The following DDIT4L variants were observed in gnomAD, a reference collection of about 807,000 sequenced individuals.
DDIT4L encodes the protein DNA damage inducible transcript 4 like, also known as DNA damage-inducible transcript 4-like protein.
A neutral mutation model predicts 15.9 loss-of-function variants in DDIT4L; 13 were observed. The observed-to-expected ratio is 0.82, with a 90% confidence interval of 0.53 to 1.30. DDIT4L has a LOEUF of 1.30. Among genes scored for constraint, DDIT4L ranks in the 50% most tolerant of loss-of-function variants. DDIT4L has a pLI of 0.00. For missense variants in DDIT4L, 235 were observed against 224.8 expected (o/e 1.05, Z -0.29); for synonymous variants, 82 against 85.4 (o/e 0.96, Z 0.22).
rs114080853 is a variant in DDIT4L at position 100,190,260 on chromosome 4, C to T, written c.-50+43G>A. The T allele has an allele frequency of 2.7e-3, 1,161 of 434,664 alleles. 15 individuals carry two copies. The highest frequency in any genetic ancestry group is 0.022 in the African/African-American group (1,074 of 48,646). 26.9% of individuals were successfully genotyped at this position (434,664 alleles called of 1,614,324 possible). A position where few individuals can be genotyped will look rare whatever the true frequency, so the allele number is the denominator to read the frequency against. The stretch of plus-strand genomic sequence containing the variant: ...GGAAGCGACCTGCCCCGCGGAGCGC[C>T]CCCCGGCCCCGCTGCCCCCACCAAG... On this transcript the variant is annotated intron_variant, in intron 1 of 2. Coordinates refer to ENST00000273990, the MANE Select transcript of DDIT4L (RefSeq NM_145244.4).
In DDIT4L at chr4:100,187,703, C is replaced by A; in HGVS notation, c.556G>T (p.Gly186Ter). The A allele has an allele frequency of 1.2e-6, 2 of 1,607,174 alleles. No homozygotes were observed. The highest frequency in any genetic ancestry group is 1.1e-5 in the South Asian group (1 of 89,148). ...LVKKKLYSLI[G>*]TTVIEGS ...TAGGACCCTTCAATCACTGTTGTTC[C>A]AATCAGTGAGTAAAGTTTTTTCTTA... is the stretch of plus-strand genomic sequence containing the variant. The change falls in exon 3 of 3, where the codon GGA becomes TGA. Residue 186 changes from glycine (G) to a stop codon, truncating the protein, a stop_gained. Transcript: ENST00000273990. LOFTEE classifies it high-confidence loss of function.
chr4:100,189,675 C>A (rs1453883350), intron 2 of DDIT4L, among the ~76,000 whole-genome samples: 1 of 152,210 alleles, frequency 6.6e-6, no homozygotes, highest in African/African-American at 2.4e-5. Context: ...CTACTGGCAC[C>A]AGACTAGAAA....
intron 2 of DDIT4L, among the ~76,000 whole-genome samples, chr4:100,188,706 C>T (rs1198760019): frequency 6.6e-6 from 1 of 152,126 alleles, no homozygotes; most frequent in African/African-American, 2.4e-5. Context: ...TGTATTAAAG[C>T]TTTAAGAGTT....
chr4:100,186,621 C>T lies in DDIT4L; in HGVS notation c.*1056G>A, dbSNP rs1723423749. On this transcript the variant is annotated 3_prime_UTR_variant, in exon 3 of 3. Transcript: ENST00000273990. ...TAGGCTGTACTATAAACCATATCTC[C>T]ATAGCCAATGCAGACTTCGTAAATT... 2.6e-5 allele frequency: 4 copies of T among 152,166 alleles called. No homozygotes were observed. Among genetic ancestry groups the T allele is most frequent in the African/African-American group, 9.7e-5 (4 of 41,438 alleles). 9.4% of individuals were successfully genotyped at this position (152,166 alleles called of 1,614,324 possible).
chr4:100,188,200 G>T, intron 2 of DDIT4L, 33 bp from the exon 3 acceptor site: 3 of 1,564,098 alleles, frequency 1.9e-6, no homozygotes, highest in African/African-American at 1.4e-5. Context: ...TTTAGATACA[G>T]AAGAAAAAAT....
intron 2 of DDIT4L, among the ~76,000 whole-genome samples, chr4:100,189,272 T>C (rs1723473213): frequency 6.6e-6 from 1 of 152,246 alleles, no homozygotes; most frequent in South Asian, 2.1e-4. Flanking sequence ...GCACCGCTGC[T>C]GTTCAACAGT....
At position 100,187,557 on chromosome 4, in the gene DDIT4L, A is replaced by C. The variant is rs1723439590; in HGVS notation, c.*120T>G. On this transcript the variant is annotated 3_prime_UTR_variant, in exon 3 of 3. Coordinates refer to ENST00000273990, the MANE Select transcript of DDIT4L (RefSeq NM_145244.4). Reference sequence around the variant, plus strand: ...TATGAATGTGAAACACAGAAAGAAAAGAGACTACATTTGGGGTTTCTTATT... The same window carrying C: ...TATGAATGTGAAACACAGAAAGAAACGAGACTACATTTGGGGTTTCTTATT... 4.5e-6 allele frequency: 5 copies of C among 1,119,028 alleles called. No homozygotes were observed. The highest frequency in any genetic ancestry group is 6.1e-6 in the Non-Finnish European group (5 of 819,060). 69.3% of individuals were successfully genotyped at this position (1,119,028 alleles called of 1,614,324 possible).
rs1723420280 is a variant in DDIT4L, at chr4:100,186,339, G to C, written c.*1338C>G. On this transcript the variant is annotated 3_prime_UTR_variant, in exon 3 of 3. Transcript: ENST00000273990. ...ACGCCGGTCTCCAGCATGTGAAGTGGAGCTAATAGCTAGGGCAGGAAACCT... is the reference window on the plus strand; with the variant it reads ...ACGCCGGTCTCCAGCATGTGAAGTGCAGCTAATAGCTAGGGCAGGAAACCT... 1 of 152,174 alleles carries C rather than the reference G, an allele frequency of 6.6e-6. No homozygotes were observed. The highest frequency in any genetic ancestry group is 6.5e-5 in the Admixed American group (1 of 15,278). The allele number at this position is 152,174 out of a possible 1,614,324, so 9.4% of individuals were successfully genotyped here. A position where few individuals can be genotyped will look rare whatever the true frequency, so the allele number is the denominator to read the frequency against.
intron 2 of DDIT4L, among the ~76,000 whole-genome samples, chr4:100,189,497 G>T (rs1233953727): frequency 6.6e-6 from 1 of 152,200 alleles, no homozygotes; most frequent in East Asian, 1.9e-4. Flanking sequence ...ATAAAAATCA[G>T]ATCAGTAGTT....
chr4:100,188,819 G>C lies in DDIT4L; in HGVS notation c.92-652C>G, dbSNP rs148479214. ...CTTTAATTAAAAATTGTGCAGAGAA[G>C]ACCTTTGAGGTTCATGAGGATATTT... On this transcript the variant is annotated intron_variant, in intron 2 of 2. Coordinates refer to ENST00000273990, the MANE Select transcript of DDIT4L (RefSeq NM_145244.4). Among the ~76,000 whole-genome samples the C allele has an allele frequency of 2.7e-3, 406 of 152,320 alleles. 7 individuals are homozygous for C. The highest frequency in any genetic ancestry group is 0.023 in the Admixed American group (355 of 15,292).
intron 2 of DDIT4L, among the ~76,000 whole-genome samples, chr4:100,189,553 T>G (rs1723480135): frequency 6.6e-6 from 1 of 152,188 alleles, no homozygotes; most frequent in Admixed American, 6.5e-5. Flanking sequence ...AATAGGTGCG[T>G]CGGAATTCAG....
At chr4:100,190,277 CCCA>C (rs980707026) in intron 1 of DDIT4L, 23 bp downstream of exon 1, 18 of 399,386 alleles carry the variant, frequency 4.5e-5, no homozygotes, top group African/African-American at 3.4e-4. Context: ...CCCCGCTGCC[CCCA>C]CCAAGGCCGC....
In DDIT4L at chr4:100,186,450, A is replaced by G. The variant is rs535690965; in HGVS notation, c.*1227T>C. The G allele has an allele frequency of 6.6e-6, 1 of 152,298 alleles. No homozygotes were observed. The highest frequency in any genetic ancestry group is 2.4e-5 in the African/African-American group (1 of 41,562). The allele number at this position is 152,298 out of a possible 1,614,324, so 9.4% of individuals were successfully genotyped here. A position where few individuals can be genotyped will look rare whatever the true frequency, so the allele number is the denominator to read the frequency against. On this transcript the variant is annotated 3_prime_UTR_variant, in exon 3 of 3. Coordinates refer to ENST00000273990, the MANE Select transcript of DDIT4L (RefSeq NM_145244.4). ...TGTTGAGTGGAGGCTAAATTCTCTC[A>G]TTAACATAAAAAAGGAAAGAGATAA... is the stretch of plus-strand genomic sequence containing the variant.
At position 100,187,357 on chromosome 4, in the gene DDIT4L, A is replaced by G; in HGVS notation, c.*320T>C. On this transcript the variant is annotated 3_prime_UTR_variant, in exon 3 of 3. Transcript: ENST00000273990. ...ATCTGGTTTATATAGTCTATTACCA[A>G]GCCTACCTGAAACCAAATTGTGGAA... The G allele has an allele frequency of 4.6e-6, 1 of 215,758 alleles. No homozygotes were observed. 13.4% of individuals were successfully genotyped at this position (215,758 alleles called of 1,614,324 possible).
chr4:100,190,092 T>G, intron 1 of DDIT4L, 60 bp from the exon 2 acceptor site: 1 of 1,032,048 alleles, frequency 9.7e-7, no homozygotes, highest in Non-Finnish European at 1.5e-6. Flanking sequence ...GTGCAGAGGC[T>G]CCTAAAATGC....
rs1723413578 is a variant in DDIT4L at position 100,185,980 on chromosome 4, A to G, written c.*1697T>C. The stretch of plus-strand genomic sequence containing the variant: ...GCCATCACCATTTTGTAAGCATAAC[A>G]GGCAAGAGAGTCAAAGATAACTGTT... On this transcript the variant is annotated 3_prime_UTR_variant, in exon 3 of 3. Coordinates refer to ENST00000273990, the MANE Select transcript of DDIT4L (RefSeq NM_145244.4). The G allele has an allele frequency of 6.6e-6, 1 of 152,272 alleles. No individual in the cohort carries two copies. Among genetic ancestry groups the G allele is most frequent in the South Asian group, 2.1e-4 (1 of 4,834 alleles). 9.4% of individuals were successfully genotyped at this position (152,272 alleles called of 1,614,324 possible).
Position 100,188,078 on chromosome 4 carries a change from G to T in DDIT4L, c.181C>A (p.Leu61Met). Reference sequence around the variant, plus strand: ...TTTGATTTGGACAGACAGTTCTCCAGCATTTTAACCAAATTCTGGCAAGTT... The same window carrying T: ...TTTGATTTGGACAGACAGTTCTCCATCATTTTAACCAAATTCTGGCAAGTT... ...ESTCQNLVKM[L>M]ENCLSKSKQT... Residue 61 changes from leucine (L) to methionine (M), a missense_variant, in exon 3 of 3, where the codon CTG (leucine) becomes ATG (methionine). Transcript: ENST00000273990. 6.2e-7 allele frequency: 1 copy of T among 1,614,048 alleles called. No individual in the cohort carries two copies.
chr4:100,189,790 C>T (rs761121347), intron 2 of DDIT4L, 103 bp downstream of exon 2: 84 of 1,042,914 alleles, frequency 8.1e-5, no homozygotes, highest in Non-Finnish European at 1.1e-4. Context: ...TTTGTGGCAC[C>T]TCCTACATAG....
rs6847724 is a variant in DDIT4L at position 100,190,352 on chromosome 4, G to A, written c.-99C>T. The A allele has an allele frequency of 0.11, 28,543 of 266,108 alleles. 2,080 individuals carry two copies. The highest frequency in any genetic ancestry group is 0.22 in the African/African-American group (9,535 of 43,704). 16.5% of individuals were successfully genotyped at this position (266,108 alleles called of 1,614,324 possible). On this transcript the variant is annotated 5_prime_UTR_variant, in exon 1 of 3. Transcript: ENST00000273990. ...CGCGCTCGCTGCCGGGTAAACACAG[G>A]CAGGTGGCTTCTTAGGAGTCCCCTC...
Sources: gnomAD v4.1 joint callset for allele counts (sites outside exome capture counted in the v4.1 genomes callset) on GRCh38, gnomAD v4.1.1 for gene constraint, MANE v1.5 for transcripts, NCBI Gene and HGNC (gene_info 2026-07-23, HGNC 2026-07-21) for gene names.